Variants in ENTPD1 observed in about 807,000 individuals in gnomAD.
ENTPD1 encodes ATP diphosphohydrolase.
ENTPD1 carries 33 observed loss-of-function variants against 57.0 expected under a neutral mutation model. The observed-to-expected ratio is 0.58, with a 90% CI of 0.44 to 0.77. The LOEUF is 0.77. Ranked by LOEUF, ENTPD1 falls within the 30% of genes least tolerant of loss-of-function variation. ENTPD1 has a pLI of 0.00. For synonymous variants in ENTPD1, 202 were observed against 218.8 expected (o/e 0.92, Z 0.68); for missense variants, 501 against 603.4 (o/e 0.83, Z 1.78).
chr10:95,821,467 T>A (rs2098350823), intron 1 of ENTPD1, among the ~76,000 whole-genome samples: 2 of 152,192 alleles, frequency 1.3e-5, no homozygotes, highest in African/African-American at 4.8e-5. Context: ...GAAGACTTCC[T>A]CCACGGTCAC....
chr10:95,835,065 A>G (rs2098406429), intron 2 of ENTPD1, among the ~76,000 whole-genome samples: 1 of 152,226 alleles, frequency 6.6e-6, no homozygotes, highest in Non-Finnish European at 1.5e-5. Flanking sequence ...AGAACCTGAC[A>G]GGTAGTTTTT....
intron 1 of ENTPD1, among the ~76,000 whole-genome samples, chr10:95,724,469 C>T (rs897089601): frequency 6.6e-6 from 1 of 152,096 alleles, no homozygotes; most frequent in Non-Finnish European, 1.5e-5. Flanking sequence ...CTTGGCCTCA[C>T]GGATTCCAAG....
chr10:95,733,964 G>A (rs931095930), intron 1 of ENTPD1, among the ~76,000 whole-genome samples: 2 of 152,126 alleles, frequency 1.3e-5, no homozygotes, highest in Admixed American at 1.3e-4. Flanking sequence ...AGGTTCATGG[G>A]TCTATGGGTA....
Position 95,868,824 on chromosome 10 carries a change from G to T in ENTPD1, c.*2441G>T. 1 of 985,206 alleles carries T rather than the reference G, an allele frequency of 1.0e-6. No homozygotes were observed. The highest frequency in any genetic ancestry group is 1.2e-6 in the Non-Finnish European group (1 of 829,928). 61.0% of individuals were successfully genotyped at this position (985,206 alleles called of 1,614,324 possible). On this transcript the variant is annotated 3_prime_UTR_variant, in exon 10 of 10. Coordinates refer to ENST00000371205, the MANE Select transcript of ENTPD1 (RefSeq NM_001776.6). ...ATCTTTTCTTATTCCATTCCTGTTT[G>T]GTTGCCTACGTCCAATCTCCCCCTC...
intron 2 of ENTPD1, among the ~76,000 whole-genome samples, chr10:95,831,055 G>A (rs1029943497): frequency 6.6e-6 from 1 of 152,180 alleles, no homozygotes; most frequent in Non-Finnish European, 1.5e-5. Context: ...AAGGGGAGGG[G>A]ATAATGTGAA....
At chr10:95,758,613 C>T (rs2098041285) in intron 1 of ENTPD1, among the ~76,000 whole-genome samples, 1 of 152,164 alleles carries the variant, frequency 6.6e-6, no homozygotes, top group Non-Finnish European at 1.5e-5. Context: ...CTCTCCCTTC[C>T]AATTATATTT....
intron 1 of ENTPD1, among the ~76,000 whole-genome samples, chr10:95,788,643 G>A (rs1043462152): frequency 3.3e-5 from 5 of 151,598 alleles, no homozygotes; most frequent in Non-Finnish European, 5.9e-5. Context: ...AGAAAAAAGC[G>A]AGTCTAAAAA....
At position 95,837,140 on chromosome 10, in the gene ENTPD1, A is replaced by G. The variant is rs995434191; in HGVS notation, c.145-2551A>G. Among the ~76,000 whole-genome samples, 3 of 152,304 alleles carry G rather than the reference A, an allele frequency of 2.0e-5. No homozygotes were observed. The South Asian group carries it at 6.2e-4, about 32-fold the overall frequency. On this transcript the variant is annotated intron_variant, in intron 2 of 9. Coordinates refer to ENST00000371205, the MANE Select transcript of ENTPD1 (RefSeq NM_001776.6). ...CTGTGTAAGTAAGGCCTTAGAGAAA[A>G]CAAGCTGACAGAAGCAAGCCTGGTT...
chr10:95,742,286 C>G (rs1350530546), intron 1 of ENTPD1, among the ~76,000 whole-genome samples: 1 of 152,110 alleles, frequency 6.6e-6, no homozygotes, highest in African/African-American at 2.4e-5. Context: ...TTTTCTGCAT[C>G]TCAGAGCTAC....
At chr10:95,694,533 ATGTT>A in the ENTPD1 span, among the ~76,000 whole-genome samples, 4 of 152,102 alleles carry the variant, frequency 2.6e-5, no homozygotes, top group African/African-American at 9.7e-5. Flanking sequence ...GATGGACTGC[ATGTT>A]TGTTGTTAGA....
At chr10:95,737,423 C>T (rs1224201496) in intron 1 of ENTPD1, among the ~76,000 whole-genome samples, 3 of 150,976 alleles carry the variant, frequency 2.0e-5, no homozygotes, top group African/African-American at 7.3e-5. Context: ...CTTGCTCTGT[C>T]CCCCAAGCTG....
At chr10:95,845,294 T>C (rs945526337) in intron 5 of ENTPD1, 63 bp from the exon 6 acceptor site, 29 of 1,611,512 alleles carry the variant, frequency 1.8e-5, no homozygotes, top group East Asian at 2.2e-5. Flanking sequence ...CTGACTCCAA[T>C]AGATACTATG....
upstream of ENTPD1, among the ~76,000 whole-genome samples, chr10:95,752,175 AG>A (rs1432337431): frequency 6.6e-6 from 1 of 152,206 alleles, no homozygotes; most frequent in East Asian, 1.9e-4. Flanking sequence ...TGGCAATCTT[AG>A]GGCAGTTTCA....
chr10:95,705,313 T>C, the ENTPD1 span, among the ~76,000 whole-genome samples: 7 of 134,196 alleles, frequency 5.2e-5, no homozygotes, highest in African/African-American at 1.8e-4. Context: ...TAAATACATA[T>C]ATTTAACAAA....
the ENTPD1 span, among the ~76,000 whole-genome samples, chr10:95,702,911 G>C: frequency 1.3e-5 from 2 of 152,132 alleles, no homozygotes; most frequent in African/African-American, 4.8e-5. Context: ...CTCCAGAGTA[G>C]CTGGGAATGA....
chr10:95,795,536 C>T (rs576271838), intron 1 of ENTPD1, among the ~76,000 whole-genome samples: 25 of 152,266 alleles, frequency 1.6e-4, no homozygotes, highest in East Asian at 5.8e-4. Context: ...GTATTTCCCA[C>T]GTATGGACAG....
chr10:95,853,911 T>C, intron 7 of ENTPD1, among the ~76,000 whole-genome samples: 1 of 152,228 alleles, frequency 6.6e-6, no homozygotes, highest in Non-Finnish European at 1.5e-5. Flanking sequence ...GTTGTGTCTC[T>C]GCCAAGCTTT....
intron 1 of ENTPD1, among the ~76,000 whole-genome samples, chr10:95,802,627 GC>G (rs1439896979): frequency 6.6e-6 from 1 of 152,002 alleles, no homozygotes; most frequent in African/African-American, 2.4e-5. Flanking sequence ...ACCATGACAG[GC>G]CCCGGTGTGT....
intron 3 of ENTPD1, among the ~76,000 whole-genome samples, chr10:95,840,076 T>C (rs1489150250): frequency 6.6e-6 from 1 of 152,228 alleles, no homozygotes; most frequent in Non-Finnish European, 1.5e-5. Flanking sequence ...TACTTAGTAC[T>C]GAACATGTGT....
Sources: allele counts gnomAD v4.1 joint callset (sites outside exome capture counted in the v4.1 genomes callset), GRCh38; gene constraint gnomAD v4.1.1; transcripts MANE v1.5; gene names NCBI Gene and HGNC (gene_info 2026-07-23, HGNC 2026-07-21).